The following NDUFAF6 variants were observed in gnomAD, a reference collection of about 807,000 sequenced individuals.
NDUFAF6 encodes NADH:ubiquinone oxidoreductase complex assembly factor 6.
A neutral mutation model predicts 40.8 loss-of-function variants in NDUFAF6; 45 were observed. The ratio of observed to expected loss-of-function variants is 1.10; its 90% confidence interval spans 0.87 to 1.42. The LOEUF is 1.42. Ranked by LOEUF, NDUFAF6 falls within the 40% of genes most tolerant of loss-of-function variation. The pLI is 0.00. For missense variants in NDUFAF6, 435 were observed against 418.5 expected (o/e 1.04, Z -0.34); for synonymous variants, 185 against 155.9 (o/e 1.19, Z -1.39).
At position 94,972,100 on chromosome 8, in the gene NDUFAF6, A is replaced by T. The variant is rs571257768; in HGVS notation, c.-198-8759A>T. On this transcript the variant is annotated intron_variant, in intron 1 of 9. Coordinates refer to the NDUFAF6 transcript ENST00000396111. ...AGTTATTTAATAAATGCTAAATCAGAAAAACAAAGATTCTGATAGTGTCAG... is the reference window on the plus strand; with the variant it reads ...AGTTATTTAATAAATGCTAAATCAGTAAAACAAAGATTCTGATAGTGTCAG... Among the ~76,000 whole-genome samples, 3 of 152,350 alleles carry T rather than the reference A, an allele frequency of 2.0e-5. No homozygotes were observed. In the East Asian group the frequency reaches 5.8e-4, roughly 29 times the overall value.
chr8:95,039,220 C>T (rs1222100634), intron 3 of NDUFAF6, among the ~76,000 whole-genome samples: 1 of 151,344 alleles, frequency 6.6e-6, no homozygotes, highest in Non-Finnish European at 1.5e-5. Context: ...TTTGGGAGGC[C>T]GAGGCGGGTG....
At chr8:94,985,266 C>T (rs1825724800) in intron 2 of NDUFAF6, among the ~76,000 whole-genome samples, 1 of 151,542 alleles carries the variant, frequency 6.6e-6, no homozygotes, top group Admixed American at 6.6e-5. Context: ...CTGATGAAAG[C>T]CAAGGTGCTG....
chr8:94,996,600 A>G (rs1351074052), intron 2 of NDUFAF6, among the ~76,000 whole-genome samples: 3 of 152,158 alleles, frequency 2.0e-5, no homozygotes, highest in Admixed American at 6.6e-5. Context: ...GGTAAATACA[A>G]TGTCTGCTCA....
intron 2 of NDUFAF6, among the ~76,000 whole-genome samples, chr8:94,997,289 G>GACACACACACAC (rs57953301): frequency 2.1e-4 from 20 of 94,704 alleles, no homozygotes; most frequent in East Asian, 3.3e-4. Flanking sequence ...CAAGAAGAAA[G>GACACACACACAC]ACACACACAC....
intron 9 of NDUFAF6, chr8:95,075,567 A>C: frequency 8.0e-7 from 1 of 1,244,044 alleles, no homozygotes. Context: ...CTCTCGGGGC[A>C]TGGGAATGTT....
chr8:94,975,663 A>T (rs11781757), intron 1 of NDUFAF6, among the ~76,000 whole-genome samples: 19,701 of 152,238 alleles, frequency 0.13, 1,622 homozygotes, highest in Middle Eastern at 0.23. Context: ...AATGAGTGCT[A>T]GGAAGTGAGG....
intron 2 of NDUFAF6, chr8:95,101,281 C>A (rs1460714768): frequency 6.6e-6 from 1 of 152,150 alleles, no homozygotes; most frequent in East Asian, 1.9e-4. Flanking sequence ...TAGCTGGGAC[C>A]ATCTAATGGG....
At chr8:94,941,892 G>A (rs1188876430) in intron 1 of NDUFAF6, among the ~76,000 whole-genome samples, 1 of 152,146 alleles carries the variant, frequency 6.6e-6, no homozygotes, top group Non-Finnish European at 1.5e-5. Context: ...CTGGCTACCT[G>A]ATGGGCGTAT....
At chr8:95,065,839 G>C (rs1416792587) in intron 9 of NDUFAF6, among the ~76,000 whole-genome samples, 1 of 152,046 alleles carries the variant, frequency 6.6e-6, no homozygotes, top group African/African-American at 2.4e-5. Context: ...GGGTGAATTT[G>C]AGCACCTTTT....
intron 2 of NDUFAF6, chr8:94,950,858 C>T (rs1822544914): frequency 6.6e-6 from 1 of 152,128 alleles, no homozygotes; most frequent in Non-Finnish European, 1.5e-5. Context: ...AAAAGGCCTA[C>T]CTTTTTCCAG....
chr8:94,918,585 T>G (rs1819290573), intron 1 of NDUFAF6, among the ~76,000 whole-genome samples: 1 of 152,242 alleles, frequency 6.6e-6, no homozygotes, highest in Non-Finnish European at 1.5e-5. Flanking sequence ...AACGTTTCTT[T>G]GACAGGAATA....
chr8:95,056,978 A>AT (rs1239871949), intron 8 of NDUFAF6, among the ~76,000 whole-genome samples: 2 of 152,118 alleles, frequency 1.3e-5, no homozygotes, highest in Non-Finnish European at 2.9e-5. Flanking sequence ...AGGAAAAAAA[A>AT]GTCTGGAAGA....
chr8:94,947,100 T>C (rs1005310504), intron 2 of NDUFAF6, among the ~76,000 whole-genome samples: 1 of 152,178 alleles, frequency 6.6e-6, no homozygotes, highest in African/African-American at 2.4e-5. Context: ...AACTAACTTG[T>C]TCAAAAGTGA....
intron 2 of NDUFAF6, among the ~76,000 whole-genome samples, chr8:94,992,029 T>G (rs1468832109): frequency 6.6e-6 from 1 of 152,228 alleles, no homozygotes; most frequent in Non-Finnish European, 1.5e-5. Context: ...AACATAAAAT[T>G]TATTACAGTT....
At chr8:95,086,866 G>A (rs1809065352) in intron 2 of NDUFAF6, among the ~76,000 whole-genome samples, 2 of 152,092 alleles carry the variant, frequency 1.3e-5, no homozygotes, top group South Asian at 4.1e-4. Flanking sequence ...GCCCCCCAAA[G>A]TGCTGGGATT....
intron 1 of NDUFAF6, among the ~76,000 whole-genome samples, chr8:94,918,156 C>T (rs1382122106): frequency 1.3e-5 from 2 of 152,178 alleles, no homozygotes. Context: ...ACCGACCTGA[C>T]CAATCTGACT....
At chr8:95,051,639 G>A (rs1831445389) in intron 7 of NDUFAF6, among the ~76,000 whole-genome samples, 1 of 152,140 alleles carries the variant, frequency 6.6e-6, no homozygotes, top group Non-Finnish European at 1.5e-5. Context: ...GATGGACGAG[G>A]TTAGAGTCAA....
At chr8:94,939,968 A>T (rs913102046) in intron 1 of NDUFAF6, 1 of 1,614,170 alleles carries the variant, frequency 6.2e-7, no homozygotes, top group Admixed American at 1.7e-5. Flanking sequence ...TTCAATGAGA[A>T]GGTTTTCCAT....
intron 2 of NDUFAF6, among the ~76,000 whole-genome samples, chr8:94,985,904 C>G (rs1825866199): frequency 6.7e-6 from 1 of 149,434 alleles, no homozygotes; most frequent in South Asian, 2.1e-4. Context: ...GACGCAGTCT[C>G]ACTCTATCGC....
Sources: gnomAD v4.1 joint callset for allele counts (sites outside exome capture counted in the v4.1 genomes callset) on GRCh38, gnomAD v4.1.1 for gene constraint, MANE v1.5 for transcripts, NCBI Gene and HGNC (gene_info 2026-07-23, HGNC 2026-07-21) for gene names.